The following SHISA6 variants were observed in gnomAD, a reference collection of about 807,000 sequenced individuals.
SHISA6 encodes the protein protein shisa-6.
A neutral mutation model predicts 47.9 loss-of-function variants in SHISA6; 22 were observed. The observed-to-expected ratio is 0.46, with a 90% CI of 0.33 to 0.66. The LOEUF (loss-of-function observed/expected upper bound fraction) is 0.66. SHISA6 is among the 30% of genes least tolerant of loss of function. The pLI, the probability that SHISA6 is intolerant of heterozygous loss-of-function variation, is 0.02. For missense variants in SHISA6, 680 were observed against 764.6 expected (o/e 0.89, Z 1.30); for synonymous variants, 388 against 337.8 (o/e 1.15, Z -1.63).
chr17:11,457,438 G>A (rs1915569193), intron 3 of SHISA6, among the ~76,000 whole-genome samples: 3 of 152,112 alleles, frequency 2.0e-5, no homozygotes, highest in Admixed American at 2.0e-4. Flanking sequence ...TTCCATAAAG[G>A]TAGATGAGAT....
At chr17:11,472,003 G>A (rs1188512819) in intron 3 of SHISA6, among the ~76,000 whole-genome samples, 1 of 152,042 alleles carries the variant, frequency 6.6e-6, no homozygotes, top group Non-Finnish European at 1.5e-5. Flanking sequence ...TACATTCTGT[G>A]GGTTTTGACA....
chr17:11,531,803 T>G (rs1202475931), intron 3 of SHISA6, among the ~76,000 whole-genome samples: 1 of 152,210 alleles, frequency 6.6e-6, no homozygotes, highest in African/African-American at 2.4e-5. Flanking sequence ...AGCCATGCAT[T>G]GTATATTTCA....
At chr17:11,496,779 G>A (rs1007316771) in intron 3 of SHISA6, among the ~76,000 whole-genome samples, 3 of 152,028 alleles carry the variant, frequency 2.0e-5, no homozygotes, top group African/African-American at 7.2e-5. Flanking sequence ...GATAGAAGTG[G>A]GATAGGTAGG....
intron 3 of SHISA6, among the ~76,000 whole-genome samples, chr17:11,402,365 C>T (rs1913805206): frequency 6.6e-6 from 1 of 152,192 alleles, no homozygotes; most frequent in Non-Finnish European, 1.5e-5. Flanking sequence ...AATTAGGTTT[C>T]TTATTTGATT....
Position 11,241,607 on chromosome 17 carries a change from C to A in SHISA6, c.185C>A (p.Ala62Asp). Residue 62 changes from alanine to aspartate, a missense_variant, in exon 1 of 6, where the codon GCC becomes GAC. Physicochemically the swap from Ala to Asp is moderately radical, Grantham distance 126. Coordinates refer to ENST00000441885, the MANE Select transcript of SHISA6 (RefSeq NM_207386.4). The surrounding 1 kb of genome is among the most constrained non-coding windows in gnomAD (Gnocchi z 5.5). ...ARGGRELNGTARAPGIPEAGS... is the reference protein window; with the variant it reads ...ARGGRELNGTDRAPGIPEAGS... ...GGCGGCCGCGAGCTGAACGGCACCG[C>A]CCGGGCGCCCGGAATCCCGGAGGCG... 1 of 1,301,844 alleles carries A rather than the reference C, an allele frequency of 7.7e-7. No homozygotes were observed. The highest frequency in any genetic ancestry group is 2.2e-5 in the South Asian group (1 of 45,746). The allele number at this position is 1,301,844 out of a possible 1,614,324, so 80.6% of individuals were successfully genotyped here.
chr17:11,439,598 T>C (rs943669064), intron 3 of SHISA6, among the ~76,000 whole-genome samples: 1 of 152,178 alleles, frequency 6.6e-6, no homozygotes, highest in African/African-American at 2.4e-5. Flanking sequence ...GTTACTCAAG[T>C]TAAGTAACTA....
At chr17:11,467,324 C>G (rs565739283) in intron 3 of SHISA6, among the ~76,000 whole-genome samples, 46 of 152,234 alleles carry the variant, frequency 3.0e-4, no homozygotes, top group African/African-American at 1.1e-3. Flanking sequence ...CAAAGATAAA[C>G]CACCACCACC....
chr17:11,357,137 G>A (rs932920020), intron 2 of SHISA6, among the ~76,000 whole-genome samples: 4 of 132,378 alleles, frequency 3.0e-5, no homozygotes, highest in African/African-American at 1.2e-4. Flanking sequence ...GCAGTGAGCC[G>A]AGATCCCGCC....
chr17:11,299,673 C>T (rs781773034), intron 2 of SHISA6, among the ~76,000 whole-genome samples: 2 of 152,100 alleles, frequency 1.3e-5, no homozygotes, highest in African/African-American at 2.4e-5. Flanking sequence ...CCTGCATCTT[C>T]AAAGTGCATC....
At chr17:11,439,235 G>A (rs1915032854) in intron 3 of SHISA6, among the ~76,000 whole-genome samples, 1 of 152,148 alleles carries the variant, frequency 6.6e-6, no homozygotes, top group Admixed American at 6.5e-5. Context: ...ATGTAACCTC[G>A]AAGAGGAATG....
chr17:11,319,818 T>A (rs1277614589), intron 2 of SHISA6, among the ~76,000 whole-genome samples: 2 of 152,264 alleles, frequency 1.3e-5, no homozygotes, highest in African/African-American at 2.4e-5. Flanking sequence ...AATAGGTTTC[T>A]GTTCTTTTCC....
intron 1 of SHISA6, among the ~76,000 whole-genome samples, chr17:11,255,511 G>C (rs981436546): frequency 6.6e-6 from 1 of 152,152 alleles, no homozygotes; most frequent in Non-Finnish European, 1.5e-5. Context: ...CATTTGCAGC[G>C]GGGCTTCATC....
In SHISA6 at chr17:11,542,599, C is replaced by T. The variant is rs61616837; in HGVS notation, c.896-9297C>T. Among the ~76,000 whole-genome samples the T allele has an allele frequency of 0.015, 2,251 of 152,196 alleles. 85 individuals are homozygous for T. The East Asian group carries it at 0.15, about 10-fold the overall frequency. On this transcript the variant is annotated intron_variant, in intron 3 of 5. Coordinates refer to ENST00000441885, the MANE Select transcript of SHISA6 (RefSeq NM_207386.4). ...GGGATGAGTCATTCAGTATTCAAGA[C>T]ATCTTATAGAAGGATGAAATAGGTT...
At chr17:11,464,283 T>G (rs1235523624) in intron 3 of SHISA6, among the ~76,000 whole-genome samples, 1 of 152,134 alleles carries the variant, frequency 6.6e-6, no homozygotes, top group Non-Finnish European at 1.5e-5. Flanking sequence ...TTTCCCTCCT[T>G]TTTGGATTAA....
At chr17:11,380,991 T>C (rs1169802441) in intron 3 of SHISA6, among the ~76,000 whole-genome samples, 1 of 152,132 alleles carries the variant, frequency 6.6e-6, no homozygotes, top group East Asian at 1.9e-4. Context: ...TGATGACCAA[T>C]CCTATCAGTT....
At chr17:11,503,476 C>G (rs933066929) in intron 3 of SHISA6, among the ~76,000 whole-genome samples, 3 of 152,166 alleles carry the variant, frequency 2.0e-5, no homozygotes, top group African/African-American at 7.2e-5. Flanking sequence ...CTTGATGTCA[C>G]TAAGATTCTT....
intron 2 of SHISA6, among the ~76,000 whole-genome samples, chr17:11,287,664 C>T (rs1241374723): frequency 3.3e-4 from 2 of 6,108 alleles, no homozygotes; most frequent in Non-Finnish European, 5.9e-4. Flanking sequence ...CAGAGACAGA[C>T]CTTGTCAGAA....
At chr17:11,543,915 A>C (rs949799192) in intron 3 of SHISA6, among the ~76,000 whole-genome samples, 2 of 150,154 alleles carry the variant, frequency 1.3e-5, no homozygotes, top group Non-Finnish European at 3.0e-5. Context: ...ATAAGCAAAA[A>C]AAAAAAAAAA....
At chr17:11,249,718 G>A (rs1479766301) in intron 1 of SHISA6, among the ~76,000 whole-genome samples, 3 of 152,164 alleles carry the variant, frequency 2.0e-5, no homozygotes, top group Non-Finnish European at 2.9e-5. Flanking sequence ...TTTATATAAG[G>A]GTAACATATT....
Sources: gnomAD v4.1 joint callset for allele counts (sites outside exome capture counted in the v4.1 genomes callset) on GRCh38, gnomAD v4.1.1 for gene constraint, Gnocchi (gnomAD v3.1) non-coding constraint, MANE v1.5 for transcripts, NCBI Gene and HGNC (gene_info 2026-07-23, HGNC 2026-07-21) for gene names.